Variants in SEC63 observed in about 807,000 individuals in gnomAD.
SEC63 encodes the protein translocation protein SEC63 homolog.
Under a neutral mutation model 116.2 loss-of-function variants are expected in SEC63, and 56 were observed. The observed-to-expected ratio is 0.48, with a 90% CI of 0.39 to 0.60. SEC63 has a LOEUF of 0.60. SEC63 is among the 20% of genes least tolerant of loss of function. The probability of loss-of-function intolerance (pLI) is 0.00; values close to 1 mark genes in which losing one functional copy is unlikely to be tolerated. For synonymous variants in SEC63, 273 were observed against 294.6 expected (o/e 0.93, Z 0.75); for missense variants, 668 against 900.0 (o/e 0.74, Z 3.30).
At chr6:107,933,669 T>TCTGCCTCTGCCC (rs1787859956) in intron 1 of SEC63, among the ~76,000 whole-genome samples, 1 of 148,162 alleles carries the variant, frequency 6.7e-6, no homozygotes, top group Non-Finnish European at 1.5e-5. Flanking sequence ...TGCCTCTGCC[T>TCTGCCTCTGCCC]CTGCCCCTGC....
chr6:107,889,978 G>A (rs528033208), intron 16 of SEC63, among the ~76,000 whole-genome samples: 5 of 152,280 alleles, frequency 3.3e-5, no homozygotes, highest in African/African-American at 9.6e-5. Flanking sequence ...TTTCACATTT[G>A]CTGAGGAGTG....
chr6:107,869,668 A>G lies in SEC63; in HGVS notation c.*2036T>C, dbSNP rs1468654365. ...ACTGCCATATGGAAAGAGGTTACCT[A>G]AAGCACTCACTAGAGGAAATTTTAT... On this transcript the variant is annotated 3_prime_UTR_variant, in exon 21 of 21. Transcript: ENST00000369002. 6.6e-6 allele frequency: 1 copy of G among 152,202 alleles called. No homozygotes were observed. The highest frequency in any genetic ancestry group is 2.4e-5 in the African/African-American group (1 of 41,456). 9.4% of individuals were successfully genotyped at this position (152,202 alleles called of 1,614,324 possible). A position where few individuals can be genotyped will look rare whatever the true frequency, so the allele number is the denominator to read the frequency against.
chr6:107,873,711 G>A (rs560575531), intron 19 of SEC63, among the ~76,000 whole-genome samples: 35 of 151,996 alleles, frequency 2.3e-4, no homozygotes, highest in African/African-American at 8.2e-4. Flanking sequence ...ATTTCTATCT[G>A]GTAGAAACAA....
chr6:107,951,841 T>C lies in SEC63; in HGVS notation c.124+6045A>G, dbSNP rs1250292456. 2.6e-5 allele frequency among the ~76,000 whole-genome samples: 4 copies of C among 151,844 alleles called. No individual in the cohort carries two copies. In the East Asian group the frequency reaches 7.7e-4, roughly 29 times the overall value. On this transcript the variant is annotated intron_variant, in intron 1 of 20. Transcript: ENST00000369002. ...ACAAAAAATTAGCCAGGCGTGGTGG[T>C]GGGCGCCTGTGGTCCCAGATACTCG...
At chr6:107,882,046 A>C (rs1786424977) in intron 17 of SEC63, among the ~76,000 whole-genome samples, 1 of 152,224 alleles carries the variant, frequency 6.6e-6, no homozygotes, top group Non-Finnish European at 1.5e-5. Context: ...TATTTGACAG[A>C]TTTTAGTTTC....
At chr6:107,893,450 A>AAAAATG in intron 16 of SEC63, 32 bp downstream of exon 16, 1 of 1,591,216 alleles carries the variant, frequency 6.3e-7, no homozygotes, top group Non-Finnish European at 8.6e-7. Flanking sequence ...ATTTTAGCTT[A>AAAAATG]ATAATGATAA....
At chr6:107,874,414 G>A (rs1402921702) in intron 19 of SEC63, among the ~76,000 whole-genome samples, 1 of 151,954 alleles carries the variant, frequency 6.6e-6, no homozygotes, top group Non-Finnish European at 1.5e-5. Context: ...CTAACACAGT[G>A]AAACCCCGTC....
chr6:107,876,088 C>T (rs573658991), intron 19 of SEC63, among the ~76,000 whole-genome samples: 1 of 152,078 alleles, frequency 6.6e-6, no homozygotes, highest in South Asian at 2.1e-4. Flanking sequence ...AAAACAACAA[C>T]AAAAATGCAG....
intron 1 of SEC63, among the ~76,000 whole-genome samples, chr6:107,934,061 T>C (rs1427012459): frequency 4.6e-5 from 7 of 152,116 alleles, no homozygotes; most frequent in Non-Finnish European, 5.9e-5. Context: ...GGCGTGATCT[T>C]GGCTCGCTAC....
chr6:107,908,239 T>C (rs1412134191), intron 8 of SEC63, among the ~76,000 whole-genome samples: 1 of 152,154 alleles, frequency 6.6e-6, no homozygotes, highest in Non-Finnish European at 1.5e-5. Context: ...GGAGCAGCTA[T>C]GATTTTTGCA....
intron 1 of SEC63, among the ~76,000 whole-genome samples, chr6:107,955,444 G>A (rs1165939573): frequency 1.3e-5 from 2 of 152,178 alleles, no homozygotes; most frequent in Non-Finnish European, 2.9e-5. Context: ...CGGCAGGCGT[G>A]AGCCACCATG....
At chr6:107,892,129 G>A (rs1786697372) in intron 16 of SEC63, among the ~76,000 whole-genome samples, 1 of 152,194 alleles carries the variant, frequency 6.6e-6, no homozygotes, top group African/African-American at 2.4e-5. Context: ...GGATGTTTAA[G>A]TCTGCTGAAG....
At position 107,928,399 on chromosome 6, in the gene SEC63, G is replaced by A. The variant is rs141807395; in HGVS notation, c.224+1016C>T. Reference sequence around the variant, plus strand: ...ACCTACTCAGGAGGCTGAGGTGGGAGGATGCCTGAGCCCAAGGAGGCTGAG... The same window carrying A: ...ACCTACTCAGGAGGCTGAGGTGGGAAGATGCCTGAGCCCAAGGAGGCTGAG... On this transcript the variant is annotated intron_variant, in intron 2 of 20. Coordinates refer to ENST00000369002, the MANE Select transcript of SEC63 (RefSeq NM_007214.5). Among the ~76,000 whole-genome samples, 627 of 151,994 alleles carry A rather than the reference G, an allele frequency of 4.1e-3. 3 individuals are homozygous for A. The highest frequency in any genetic ancestry group is 0.014 in the African/African-American group (588 of 41,456).
intron 1 of SEC63, among the ~76,000 whole-genome samples, chr6:107,942,525 G>A (rs1770399192): frequency 6.6e-6 from 1 of 151,656 alleles, no homozygotes; most frequent in South Asian, 2.1e-4. Flanking sequence ...TGAGGATATA[G>A]AAAAAAAACA....
At chr6:107,911,851 A>C (rs1157592434) in intron 6 of SEC63, among the ~76,000 whole-genome samples, 1 of 152,246 alleles carries the variant, frequency 6.6e-6, no homozygotes, top group Non-Finnish European at 1.5e-5. Flanking sequence ...TGAGATAAGA[A>C]GCCCCTGGCC....
intron 1 of SEC63, chr6:107,954,482 C>CAAAAAAAAAAAAAAAAAAATAA (rs4028832): frequency 1.7e-5 from 2 of 116,870 alleles, no homozygotes; most frequent in African/African-American, 3.4e-5. Context: ...AAAAAAAAAT[C>CAAAAAAAAAAAAAAAAAAATAA]AAAAAAAAAA....
intron 4 of SEC63, among the ~76,000 whole-genome samples, chr6:107,920,049 T>C (rs1211473888): frequency 2.6e-5 from 4 of 152,228 alleles, no homozygotes; most frequent in Middle Eastern, 3.4e-3. Context: ...GCAAAAAGAA[T>C]GTAATTTGTC....
At chr6:107,911,543 A>C in intron 6 of SEC63, 147 bp from the exon 7 acceptor site, 1 of 681,480 alleles carries the variant, frequency 1.5e-6, no homozygotes. Flanking sequence ...CTCAAACTCC[A>C]AGAGGAAGGT....
At chr6:107,953,315 G>C (rs1350294717) in intron 1 of SEC63, among the ~76,000 whole-genome samples, 1 of 152,248 alleles carries the variant, frequency 6.6e-6, no homozygotes, top group Non-Finnish European at 1.5e-5. Flanking sequence ...GTACTACGGG[G>C]GTCCTCATCT....
Sources: gnomAD v4.1 joint callset for allele counts (sites outside exome capture counted in the v4.1 genomes callset) on GRCh38, gnomAD v4.1.1 for gene constraint, MANE v1.5 for transcripts, NCBI Gene and HGNC (gene_info 2026-07-23, HGNC 2026-07-21) for gene names.